The following TNS2 variants were observed in gnomAD, a reference collection of about 807,000 sequenced individuals.
TNS2 encodes the protein tensin-2.
TNS2 carries 77 observed loss-of-function variants against 155.7 expected under a neutral mutation model. That is an observed-to-expected ratio of 0.49 (90% CI 0.41 to 0.60). The LOEUF (loss-of-function observed/expected upper bound fraction) is 0.60, where lower values mean the gene tolerates loss of function less well. Ranked by LOEUF, TNS2 falls within the 20% of genes least tolerant of loss-of-function variation. TNS2 has a pLI of 0.00. For synonymous variants in TNS2, 726 were observed against 763.9 expected (o/e 0.95, Z 0.82); for missense variants, 1,703 against 1,868.8 (o/e 0.91, Z 1.64).
Position 53,050,376 on chromosome 12 carries a change from T to G in TNS2, c.75+116T>G. On this transcript the variant is annotated intron_variant, in intron 1 of 28. Coordinates refer to ENST00000314250, the MANE Select transcript of TNS2 (RefSeq NM_170754.4). This position sits in a 1 kb window ranked among gnomAD's most constrained non-coding sequence, Gnocchi z 4.7. ...CCCAATTTCAGCTTCCTCAGCCTTC[T>G]TCCCTGGCCCAGCATCCCCTCCGGA... The G allele has an allele frequency of 8.2e-7, 1 of 1,226,360 alleles. No homozygotes were observed. The highest frequency in any genetic ancestry group is 1.1e-6 in the Non-Finnish European group (1 of 892,106). The allele number at this position is 1,226,360 out of a possible 1,614,324, so 76.0% of individuals were successfully genotyped here.
intron 10 of TNS2, chr12:53,056,188 C>A: frequency 5.4e-6 from 1 of 184,468 alleles, no homozygotes; most frequent in Non-Finnish European, 1.1e-5. Flanking sequence ...CCCATCTCTA[C>A]CAAAAATATA....
chr12:53,053,541 G>T, intron 4 of TNS2, 92 bp downstream of exon 4: 4 of 1,527,480 alleles, frequency 2.6e-6, no homozygotes, highest in South Asian at 2.3e-5. Context: ...CCCAGGAGAT[G>T]ACCTTGAACG....
rs1042534579 is a variant in TNS2 at position 53,050,777 on chromosome 12, C to A, written c.75+517C>A. On this transcript the variant is annotated intron_variant, in intron 1 of 28. Transcript: ENST00000314250. This position sits in a 1 kb window ranked among gnomAD's most constrained non-coding sequence, Gnocchi z 4.7. The stretch of plus-strand genomic sequence containing the variant: ...TCTTAGTGGGTCCCACAAAGTTGAT[C>A]CAGCCCAGAAGAGTTGCAGGGACAG... Among the ~76,000 whole-genome samples the A allele has an allele frequency of 2.6e-5, 4 of 152,174 alleles. No homozygotes were observed. Among genetic ancestry groups the A allele is most frequent in the African/African-American group, 9.6e-5 (4 of 41,460 alleles).
chr12:53,061,441 G>C lies in TNS2; in HGVS notation c.3420G>C (p.Trp1140Cys), dbSNP rs766264419. Residue 1140 changes from tryptophan (W) to cysteine (C), a missense_variant, in exon 21 of 29, where the codon TGG (tryptophan) becomes TGC (cysteine). Coordinates refer to ENST00000314250, the MANE Select transcript of TNS2 (RefSeq NM_170754.4). ...TTGTCCAGGATACATCCAAGTTCTG[G>C]TACAAGCCACACCTGTCCCGTGACC... ...VKFVQDTSKF[W>C]YKPHLSRDQA... 1 of 1,613,942 alleles carries C rather than the reference G, an allele frequency of 6.2e-7. No individual in the cohort carries two copies. Among genetic ancestry groups the C allele is most frequent in the Non-Finnish European group, 8.5e-7 (1 of 1,179,996 alleles).
chr12:53,054,793 G>A (rs192314168), intron 7 of TNS2, among the ~76,000 whole-genome samples: 137 of 150,234 alleles, frequency 9.1e-4, no homozygotes, highest in Non-Finnish European at 6.5e-4. Flanking sequence ...TCCCACCTCA[G>A]CCTCAGTAGC....
intron 10 of TNS2, 125 bp from the exon 11 acceptor site, chr12:53,056,887 AC>A: frequency 1.2e-6 from 1 of 843,192 alleles, no homozygotes. Context: ...CATTCTCATT[AC>A]CACTACTCTG....
At position 53,052,546 on chromosome 12, in the gene TNS2, TC is replaced by T. The variant is rs1041821657; in HGVS notation, c.222+57del. On this transcript the variant is annotated intron_variant, in intron 3 of 28. Transcript: ENST00000314250. ...GAGAGGGTCTGGAGTCCCTTCCTCC[TC>T]CCAAACAGGCTTCTGCAACCACACT... 5 of 1,609,742 alleles carry T rather than the reference TC, an allele frequency of 3.1e-6. No individual in the cohort carries two copies. The African/African-American group carries it at 6.7e-5, about 22-fold the overall frequency.
rs542025518 is a variant in TNS2, at chr12:53,057,415, G to A, written c.846-152G>A. 9 of 718,560 alleles carry A rather than the reference G, an allele frequency of 1.3e-5. No individual in the cohort carries two copies. The Admixed American group carries it at 1.4e-4, about 11-fold the overall frequency. 44.5% of individuals were successfully genotyped at this position (718,560 alleles called of 1,614,324 possible). On this transcript the variant is annotated intron_variant, in intron 11 of 28. Transcript: ENST00000314250. ...GCAGAGGGGAGCAGGAGGGATTGAG[G>A]TTAGATGCAAGGAAGAACTTTCTGG... is the stretch of plus-strand genomic sequence containing the variant.
rs1277692275 is a variant in TNS2 at position 53,058,461 on chromosome 12, G to A, written c.1225+16G>A. Reference sequence around the variant, plus strand: ...GCCTGGACTGGTGAGTCTGAGACAAGTGGCCTGGGGCTGGAGTCCAGGTGG... The same window carrying A: ...GCCTGGACTGGTGAGTCTGAGACAAATGGCCTGGGGCTGGAGTCCAGGTGG... On this transcript the variant is annotated intron_variant, in intron 15 of 28. Transcript: ENST00000314250. 6.2e-7 allele frequency: 1 copy of A among 1,614,066 alleles called. No homozygotes were observed. The highest frequency in any genetic ancestry group is 1.3e-5 in the African/African-American group (1 of 74,924).
At position 53,053,456 on chromosome 12, in the gene TNS2, G is replaced by T; in HGVS notation, c.261+7G>T. On this transcript the variant is annotated splice_region_variant and intron_variant, in intron 4 of 28. Coordinates refer to ENST00000314250, the MANE Select transcript of TNS2 (RefSeq NM_170754.4). ...CTTGCCTCCCGTGGAGTTGGTGAGT[G>T]CGCTCTGGGATGGGGTGGGGAGGGC... 9 of 1,614,062 alleles carry T rather than the reference G, an allele frequency of 5.6e-6. No homozygotes were observed. The highest frequency in any genetic ancestry group is 6.8e-6 in the Non-Finnish European group (8 of 1,179,956).
intron 25 of TNS2, 147 bp from the exon 26 acceptor site, chr12:53,062,942 C>T (rs1944429324): frequency 9.0e-6 from 10 of 1,112,690 alleles, no homozygotes; most frequent in Non-Finnish European, 1.3e-5. Context: ...GACTGTAGAT[C>T]CAGTAGAGTC....
At position 53,061,084 on chromosome 12, in the gene TNS2, G is replaced by C; in HGVS notation, c.3178G>C (p.Ala1060Pro). Residue 1060 changes from alanine to proline, a missense_variant, in exon 20 of 29, where the codon GCT becomes CCT. Ala to Pro is a conservative substitution (Grantham distance 27, BLOSUM62 -1). Transcript: ENST00000314250. ...CTCACCTACACCTGCTTTCCCCCTGGCTGCCTCCTATGACACCAATGGCCT... is the reference window on the plus strand; with the variant it reads ...CTCACCTACACCTGCTTTCCCCCTGCCTGCCTCCTATGACACCAATGGCCT... The part of the protein sequence containing the change: ...QSSPTPAFPL[A>P]ASYDTNGLSQ... 1 of 1,611,478 alleles carries C rather than the reference G, an allele frequency of 6.2e-7. No homozygotes were observed. The highest frequency in any genetic ancestry group is 1.1e-5 in the South Asian group (1 of 90,744).
chr12:53,055,863 T>G lies in TNS2; in HGVS notation c.761+18T>G, dbSNP rs1428524483. 3 of 1,600,894 alleles carry G rather than the reference T, an allele frequency of 1.9e-6. No individual in the cohort carries two copies. The East Asian group carries it at 6.7e-5, about 36-fold the overall frequency. Reference sequence around the variant, plus strand: ...TCTGCAGGGTGAGGCTCCCAGCGCCTGAGTAGCTGCTTCCCCAGTGGCCCT... The same window carrying G: ...TCTGCAGGGTGAGGCTCCCAGCGCCGGAGTAGCTGCTTCCCCAGTGGCCCT... On this transcript the variant is annotated intron_variant, in intron 10 of 28. Transcript: ENST00000314250.
intron 10 of TNS2, 151 bp from the exon 11 acceptor site, chr12:53,056,862 G>GT (rs1944177548): frequency 1.4e-6 from 1 of 701,840 alleles, no homozygotes; most frequent in South Asian, 2.0e-5. Context: ...TAAAGTGACT[G>GT]TACATGGTGC....
At chr12:53,049,968 C>T, upstream of TNS2, 2 of 1,247,830 alleles carry the variant, frequency 1.6e-6, no homozygotes, top group Non-Finnish European at 2.1e-6. Flanking sequence ...TGGCCTCCCC[C>T]ACATCCTCCC....
chr12:53,060,881 C>A lies in TNS2; in HGVS notation c.2975C>A (p.Pro992Gln), dbSNP rs771876509. ...SPSDWPQERS[P>Q]GGHSDGASPR... ...AGTGACTGGCCTCAGGAAAGGAGTC[C>A]AGGGGGCCACTCAGATGGCGCCAGT... The change falls in exon 20 of 29, where the codon CCA (proline) becomes CAA (glutamine). Residue 992 changes from proline to glutamine, a missense_variant. Pro to Gln is a moderately conservative substitution (Grantham distance 76). Coordinates refer to ENST00000314250, the MANE Select transcript of TNS2 (RefSeq NM_170754.4). The surrounding 1 kb of genome is among the most constrained non-coding windows in gnomAD (Gnocchi z 6.1). 4.4e-6 allele frequency: 7 copies of A among 1,591,104 alleles called. No individual in the cohort carries two copies. The highest frequency in any genetic ancestry group is 5.1e-6 in the Non-Finnish European group (6 of 1,166,828).
chr12:53,057,713 AC>A (rs1228866246), intron 12 of TNS2, 34 bp downstream of exon 12: 3 of 1,613,540 alleles, frequency 1.9e-6, no homozygotes, highest in Non-Finnish European at 2.5e-6. Flanking sequence ...CCTAGGGAGA[AC>A]CACCTTCAGG....
intron 3 of TNS2, 108 bp from the exon 4 acceptor site, chr12:53,053,303 C>G (rs1352679086): frequency 7.9e-7 from 1 of 1,270,620 alleles, no homozygotes; most frequent in Non-Finnish European, 1.1e-6. Context: ...CTGTGCCCAT[C>G]CACTGAAGGC....
chr12:53,055,315 A>G, intron 8 of TNS2, 79 bp downstream of exon 8: 1 of 1,492,798 alleles, frequency 6.7e-7, no homozygotes, highest in South Asian at 1.2e-5. Context: ...CGTTATTAAT[A>G]GTAGCAATTG....
Sources: gnomAD v4.1 joint callset for allele counts (sites outside exome capture counted in the v4.1 genomes callset) on GRCh38, gnomAD v4.1.1 for gene constraint, Gnocchi (gnomAD v3.1) non-coding constraint, MANE v1.5 for transcripts, NCBI Gene and HGNC (gene_info 2026-07-23, HGNC 2026-07-21) for gene names.